ITGA9: variants seen among roughly 807,000 people sequenced by gnomAD.
The protein encoded by ITGA9 is integrin alpha-9.
In ITGA9, 56 loss-of-function variants were observed where a neutral mutation model predicts 127.8. The observed-to-expected ratio is 0.44, with a 90% confidence interval of 0.35 to 0.55. The LOEUF is 0.55. ITGA9 is among the 20% of genes least tolerant of loss of function. The probability of loss-of-function intolerance (pLI) is 0.00; values close to 1 mark genes in which losing one functional copy is unlikely to be tolerated. For missense variants in ITGA9, 1,196 were observed against 1,347.1 expected (o/e 0.89, Z 1.76); for synonymous variants, 508 against 514.5 (o/e 0.99, Z 0.17).
Position 37,473,596 on chromosome 3 carries a change from A to G in ITGA9, c.420+136A>G, listed in dbSNP as rs73826561. ...TTCTGGACTACTGCTTAGACAAATG[A>G]CTTATCTTCTTATTTTCTTTATCTG... is the stretch of plus-strand genomic sequence containing the variant. On this transcript the variant is annotated intron_variant, in intron 3 of 27. Transcript: ENST00000264741. 7.8e-3 allele frequency: 4,626 copies of G among 593,474 alleles called. 154 individuals are homozygous for G. Among genetic ancestry groups the G allele is most frequent in the African/African-American group, 0.073 (3,943 of 54,048 alleles). 36.8% of individuals were successfully genotyped at this position (593,474 alleles called of 1,614,324 possible). A position where few individuals can be genotyped will look rare whatever the true frequency, so the allele number is the denominator to read the frequency against.
chr3:37,536,021 A>G (rs1042600250), intron 14 of ITGA9, among the ~76,000 whole-genome samples: 16 of 152,216 alleles, frequency 1.1e-4, no homozygotes, highest in Non-Finnish European at 2.1e-4. Context: ...GTGGGGGCCC[A>G]GCTCTGGGTG....
chr3:37,703,088 C>T (rs1276137095), intron 18 of ITGA9, among the ~76,000 whole-genome samples: 4 of 152,202 alleles, frequency 2.6e-5, no homozygotes, highest in Admixed American at 2.0e-4. Context: ...ATTCTCATCT[C>T]AGGGTCTGTT....
intron 21 of ITGA9, among the ~76,000 whole-genome samples, chr3:37,742,435 A>C (rs1019129914): frequency 3.3e-5 from 5 of 152,222 alleles, no homozygotes; most frequent in African/African-American, 1.2e-4. Flanking sequence ...CATTGTTGGA[A>C]AGCAGGACCC....
At chr3:37,614,474 G>T (rs1179977307) in intron 15 of ITGA9, among the ~76,000 whole-genome samples, 72 of 151,718 alleles carry the variant, frequency 4.7e-4, no homozygotes, top group African/African-American at 1.4e-3. Flanking sequence ...ATATGAACTT[G>T]AAAGTAGTTT....
At chr3:37,463,332 G>A (rs1434525862) in intron 1 of ITGA9, among the ~76,000 whole-genome samples, 1 of 152,186 alleles carries the variant, frequency 6.6e-6, no homozygotes, top group Non-Finnish European at 1.5e-5. Context: ...TCTCTGGTTG[G>A]CAGCTTAGGT....
At chr3:37,576,977 C>T (rs1190999134) in intron 15 of ITGA9, among the ~76,000 whole-genome samples, 1 of 152,252 alleles carries the variant, frequency 6.6e-6, no homozygotes, top group African/African-American at 2.4e-5. Flanking sequence ...TGCTCATTCA[C>T]AGTCATGTGT....
At chr3:37,615,978 G>C (rs1700070485) in intron 15 of ITGA9, among the ~76,000 whole-genome samples, 1 of 152,118 alleles carries the variant, frequency 6.6e-6, no homozygotes, top group African/African-American at 2.4e-5. Context: ...GTTCTGCTCT[G>C]ATCTTGGTTA....
At chr3:37,584,115 T>C (rs1357457896) in intron 15 of ITGA9, among the ~76,000 whole-genome samples, 1 of 152,166 alleles carries the variant, frequency 6.6e-6, no homozygotes, top group Non-Finnish European at 1.5e-5. Context: ...CAAGAAGCAT[T>C]TATGTTCTCA....
At chr3:37,620,083 T>TG (rs1334061255) in intron 15 of ITGA9, among the ~76,000 whole-genome samples, 2 of 152,238 alleles carry the variant, frequency 1.3e-5, no homozygotes, top group African/African-American at 4.8e-5. Flanking sequence ...CCCTCACCTT[T>TG]GCCATTTAAT....
chr3:37,695,219 G>A (rs1247561214), intron 18 of ITGA9, among the ~76,000 whole-genome samples: 1 of 152,190 alleles, frequency 6.6e-6, no homozygotes, highest in Non-Finnish European at 1.5e-5. Flanking sequence ...GTGAAGTGTA[G>A]ACAGTGGGGC....
chr3:37,558,637 G>A (rs977458920), intron 15 of ITGA9, among the ~76,000 whole-genome samples: 1 of 151,862 alleles, frequency 6.6e-6, no homozygotes, highest in African/African-American at 2.4e-5. Flanking sequence ...TTTATTGAGT[G>A]CTCATTGTGT....
chr3:37,705,532 T>C (rs558033759), intron 18 of ITGA9, among the ~76,000 whole-genome samples: 1 of 152,346 alleles, frequency 6.6e-6, no homozygotes, highest in Admixed American at 6.5e-5. Flanking sequence ...TTCTTCTTTC[T>C]TCCACGTCTC....
intron 18 of ITGA9, among the ~76,000 whole-genome samples, chr3:37,722,429 C>T (rs1003207499): frequency 3.3e-5 from 5 of 152,202 alleles, no homozygotes; most frequent in Admixed American, 6.5e-5. Context: ...TTCATTACCT[C>T]AAAAAGAACC....
At chr3:37,572,677 T>G (rs76307813) in intron 15 of ITGA9, among the ~76,000 whole-genome samples, 2,155 of 152,306 alleles carry the variant, frequency 0.014, 41 homozygotes, top group African/African-American at 0.049. Context: ...ATGTGTGATA[T>G]TTATGTATAT....
At chr3:37,642,059 TC>T (rs1355815728) in intron 16 of ITGA9, among the ~76,000 whole-genome samples, 1 of 151,902 alleles carries the variant, frequency 6.6e-6, no homozygotes, top group Admixed American at 6.6e-5. Flanking sequence ...CACCTCAGCC[TC>T]CCAAGTAGCT....
rs144664532 is a variant in ITGA9 at position 37,715,118 on chromosome 3, T to C, written c.2068-17594T>C. On this transcript the variant is annotated intron_variant, in intron 18 of 27. Coordinates refer to ENST00000264741, the MANE Select transcript of ITGA9 (RefSeq NM_002207.3). Reference sequence around the variant, plus strand: ...CAGGTTAGCTCCATCCTGTTAATGTTGAGGCAGCCCACCCAGGTTAAGGGT... The same window carrying C: ...CAGGTTAGCTCCATCCTGTTAATGTCGAGGCAGCCCACCCAGGTTAAGGGT... 2.3e-3 allele frequency among the ~76,000 whole-genome samples: 346 copies of C among 152,334 alleles called. 2 individuals carry two copies. Among genetic ancestry groups the C allele is most frequent in the African/African-American group, 7.3e-3 (302 of 41,582 alleles).
At chr3:37,802,511 G>T (rs1341964305) in intron 26 of ITGA9, among the ~76,000 whole-genome samples, 2 of 152,192 alleles carry the variant, frequency 1.3e-5, no homozygotes, top group Admixed American at 6.5e-5. Flanking sequence ...AGCCTGTCTG[G>T]AGCCAAAGGA....
chr3:37,591,820 C>T (rs1271389291), intron 15 of ITGA9, among the ~76,000 whole-genome samples: 1 of 152,214 alleles, frequency 6.6e-6, no homozygotes, highest in African/African-American at 2.4e-5. Context: ...ATGTTTCTAC[C>T]CCTGATTCCC....
intron 6 of ITGA9, 67 bp downstream of exon 6, chr3:37,503,374 T>C (rs1698807966): frequency 1.3e-6 from 2 of 1,568,380 alleles, no homozygotes; most frequent in African/African-American, 1.4e-5. Context: ...GATTCACAAA[T>C]TATTGCTTCA....
Sources: gnomAD v4.1 joint callset for allele counts (sites outside exome capture counted in the v4.1 genomes callset) on GRCh38, gnomAD v4.1.1 for gene constraint, MANE v1.5 for transcripts, NCBI Gene and HGNC (gene_info 2026-07-23, HGNC 2026-07-21) for gene names.